Variants in TEX10 observed in about 807,000 individuals in gnomAD.
The protein encoded by TEX10 is testis-expressed protein 10.
A neutral mutation model predicts 104.4 loss-of-function variants in TEX10; 24 were observed. That is an observed-to-expected ratio of 0.23 (90% confidence interval 0.17 to 0.32). TEX10 has a LOEUF of 0.32. Ranked by LOEUF, TEX10 falls within the 10% of genes least tolerant of loss-of-function variation. The probability of loss-of-function intolerance (pLI) is 1.00; values close to 1 mark genes in which losing one functional copy is unlikely to be tolerated. For missense variants in TEX10, 921 were observed against 1,083.9 expected, an observed-to-expected ratio of 0.85 and a Z score of 2.11; for synonymous variants, 396 against 393.4, an observed-to-expected ratio of 1.01 and a Z score of -0.08.
intron 13 of TEX10, chr9:100,306,984 C>G (rs1233894248): frequency 6.6e-5 from 10 of 152,166 alleles, no homozygotes; most frequent in African/African-American, 2.2e-4. Context: ...CTTATAAAAT[C>G]TCTAGAACCC....
chr9:100,333,142 T>C (rs1587732781), intron 5 of TEX10, among the ~76,000 whole-genome samples: 1 of 152,164 alleles, frequency 6.6e-6, no homozygotes, highest in East Asian at 2.0e-4. Flanking sequence ...TTTTGTATTT[T>C]TAGTAGAGAT....
chr9:100,346,435 C>A, intron 3 of TEX10, 120 bp from the exon 4 acceptor site: 1 of 1,180,722 alleles, frequency 8.5e-7, no homozygotes, highest in Non-Finnish European at 1.2e-6. Context: ...ATAATTACAT[C>A]AATCAAAACT....
intron 13 of TEX10, chr9:100,305,927 T>C (rs982507547): frequency 2.0e-5 from 3 of 152,144 alleles, no homozygotes; most frequent in African/African-American, 7.2e-5. Context: ...GGAAAAGGTA[T>C]GCAGCCCAAA....
intron 11 of TEX10, among the ~76,000 whole-genome samples, chr9:100,317,766 A>G (rs1053888057): frequency 1.3e-5 from 2 of 152,202 alleles, no homozygotes; most frequent in Admixed American, 6.5e-5. Flanking sequence ...TTTACAATAC[A>G]AGGAACTCAA....
At chr9:100,320,595 T>C (rs1207239490) in intron 10 of TEX10, among the ~76,000 whole-genome samples, 197 bp from the exon 11 acceptor site, 1 of 152,210 alleles carries the variant, frequency 6.6e-6, no homozygotes, top group Non-Finnish European at 1.5e-5. Context: ...CATATAATTA[T>C]ATAAAAGATG....
rs1369155174 is a variant in TEX10 at position 100,326,483 on chromosome 9, G to A, written c.1802-4C>T. 5 of 1,612,500 alleles carry A rather than the reference G, an allele frequency of 3.1e-6. No homozygotes were observed. Among genetic ancestry groups the A allele is most frequent in the Admixed American group, 1.7e-5 (1 of 59,696 alleles). Reference sequence around the variant, plus strand: ...ACCACAGCACCTTCTTGTGGATCTAGTGAGGTGGATAGACATATTAAAAAC... The same window carrying A: ...ACCACAGCACCTTCTTGTGGATCTAATGAGGTGGATAGACATATTAAAAAC... On this transcript the variant is annotated splice_polypyrimidine_tract_variant and splice_region_variant and intron_variant, in intron 8 of 14. Transcript: ENST00000374902.
At chr9:100,350,168 C>G (rs973454434) in intron 1 of TEX10, among the ~76,000 whole-genome samples, 4 of 152,188 alleles carry the variant, frequency 2.6e-5, no homozygotes, top group Non-Finnish European at 4.4e-5. Context: ...TACCACATTC[C>G]AAACCTTGCA....
In TEX10 at chr9:100,326,296, T is replaced by C. The variant is rs745847157; in HGVS notation, c.1979+6A>G. 1.2e-6 allele frequency: 2 copies of C among 1,612,274 alleles called. No homozygotes were observed. The highest frequency in any genetic ancestry group is 1.3e-5 in the African/African-American group (1 of 74,754). ...ACTTAAAATACAGCTCACTTGAGCA[T>C]GCTACCTCATGTGCAGTATCCCGAT... On this transcript the variant is annotated splice_donor_region_variant and intron_variant, in intron 9 of 14. Coordinates refer to ENST00000374902, the MANE Select transcript of TEX10 (RefSeq NM_017746.4).
chr9:100,351,185 G>A lies in TEX10; in HGVS notation c.-10+1587C>T, dbSNP rs761144711. Among the ~76,000 whole-genome samples, 11 of 151,792 alleles carry A rather than the reference G, an allele frequency of 7.2e-5. 1 individual carries two copies. Among genetic ancestry groups the A allele is most frequent in the Admixed American group, 1.3e-4 (2 of 15,206 alleles). The stretch of plus-strand genomic sequence containing the variant: ...TACCTCAGAAAAGTTTGGAAGTCAC[G>A]CCTTTATCAAGAAGTTGAAAAGGGA... On this transcript the variant is annotated intron_variant, in intron 1 of 14. Coordinates refer to ENST00000374902, the MANE Select transcript of TEX10 (RefSeq NM_017746.4).
intron 5 of TEX10, among the ~76,000 whole-genome samples, chr9:100,330,645 G>C (rs1334817860): frequency 1.3e-5 from 2 of 152,134 alleles, no homozygotes; most frequent in African/African-American, 4.8e-5. Context: ...GCACTGATTT[G>C]AAACAATTTT....
At chr9:100,323,340 C>G (rs1834620860) in intron 9 of TEX10, among the ~76,000 whole-genome samples, 1 of 152,124 alleles carries the variant, frequency 6.6e-6, no homozygotes, top group African/African-American at 2.4e-5. Context: ...TGGAACTGTT[C>G]CTGGCAGACC....
Position 100,327,794 on chromosome 9 carries a change from T to A in TEX10, c.1794A>T (p.Arg598=). The change falls in exon 8 of 15, where the codon CGA becomes CGT. Residue 598 remains arginine (R), a synonymous_variant. Coordinates refer to ENST00000374902, the MANE Select transcript of TEX10 (RefSeq NM_017746.4). ...AAACAAATGAACTCTTACCATAAAT[T>A]CGGAGGGCAGTAGCTTGTAAACTTT... is the stretch of plus-strand genomic sequence containing the variant. ...LLKSLQATAL[R]IYDPQEGAVV... is the part of the protein sequence containing the mutation. The A allele has an allele frequency of 6.4e-7, 1 of 1,565,126 alleles. No individual in the cohort carries two copies. The highest frequency in any genetic ancestry group is 8.7e-7 in the Non-Finnish European group (1 of 1,148,646).
intron 13 of TEX10, chr9:100,306,394 TAAAG>T (rs1588162482): frequency 6.6e-6 from 1 of 152,110 alleles, no homozygotes; most frequent in Non-Finnish European, 1.5e-5. Flanking sequence ...ACACTGAAGA[TAAAG>T]AGAGAACAGT....
chr9:100,352,319 G>A, intron 1 of TEX10: 2 of 1,543,090 alleles, frequency 1.3e-6, no homozygotes, highest in South Asian at 2.4e-5. Flanking sequence ...CCTTCCGCTC[G>A]CTTAACTCTC....
In TEX10 at chr9:100,352,901, T is replaced by A. The variant is rs183961477; in HGVS notation, c.-139A>T. 28 of 991,468 alleles carry A rather than the reference T, an allele frequency of 2.8e-5. No homozygotes were observed. The highest frequency in any genetic ancestry group is 5.2e-4 in the Middle Eastern group (1 of 1,928). The allele number at this position is 991,468 out of a possible 1,614,324, so 61.4% of individuals were successfully genotyped here. A position where few individuals can be genotyped will look rare whatever the true frequency, so the allele number is the denominator to read the frequency against. On this transcript the variant is annotated 5_prime_UTR_variant, in exon 1 of 15. Coordinates refer to ENST00000374902, the MANE Select transcript of TEX10 (RefSeq NM_017746.4). ...CGGAGCGTGTTTTCAAATAGCCTCGTCCTCACGCGGCCGCGTCTCCTTCCG... is the reference window on the plus strand; with the variant it reads ...CGGAGCGTGTTTTCAAATAGCCTCGACCTCACGCGGCCGCGTCTCCTTCCG...
At chr9:100,338,924 G>A (rs1835084666) in intron 5 of TEX10, among the ~76,000 whole-genome samples, 1 of 151,804 alleles carries the variant, frequency 6.6e-6, no homozygotes, top group Admixed American at 6.6e-5. Flanking sequence ...TCTGTTTCAT[G>A]ACTGGACCCT....
chr9:100,329,303 T>A, intron 6 of TEX10, 28 bp from the exon 7 acceptor site: 1 of 1,581,144 alleles, frequency 6.3e-7, no homozygotes, highest in Non-Finnish European at 8.5e-7. Flanking sequence ...ACAACTTGCA[T>A]ATGAATCAAA....
Position 100,349,333 on chromosome 9 carries a change from A to T in TEX10, c.31T>A (p.Phe11Ile). ...CCAACTTTCAATTTTACTTTTTGAAAATCATGTTGGCGTTTTCTTTTTTTA... is the reference window on the plus strand; with the variant it reads ...CCAACTTTCAATTTTACTTTTTGAATATCATGTTGGCGTTTTCTTTTTTTA... The part of the protein sequence containing the change: MTKKRKRQHD[F>I]QKVKLKVGKK... Residue 11 changes from phenylalanine to isoleucine, a missense_variant, in exon 2 of 15, where the codon TTT (phenylalanine) becomes ATT (isoleucine). Physicochemically the swap from Phe to Ile is conservative, Grantham distance 21. Coordinates refer to ENST00000374902, the MANE Select transcript of TEX10 (RefSeq NM_017746.4). 6.3e-7 allele frequency: 1 copy of T among 1,593,542 alleles called. No individual in the cohort carries two copies.
At position 100,347,330 on chromosome 9, in the gene TEX10, G is replaced by A. The variant is rs755391629; in HGVS notation, c.257C>T (p.Ser86Phe). The change falls in exon 3 of 15, where the codon TCT (serine) becomes TTT (phenylalanine). Residue 86 changes from serine to phenylalanine, a missense_variant. Transcript: ENST00000374902. Reference sequence around the variant, plus strand: ...TGCATCAATTATAAATGGGTATTGAGACAAAAGGTCTTTAAGTCCAAGAAG... The same window carrying A: ...TGCATCAATTATAAATGGGTATTGAAACAAAAGGTCTTTAAGTCCAAGAAG... Reference protein sequence around the residue: ...SALLGLKDLLSQYPFIIDAHL... With the variant: ...SALLGLKDLLFQYPFIIDAHL... 3 of 1,613,940 alleles carry A rather than the reference G, an allele frequency of 1.9e-6. No homozygotes were observed. The highest frequency in any genetic ancestry group is 2.5e-6 in the Non-Finnish European group (3 of 1,179,918).
Sources: allele counts gnomAD v4.1 joint callset (sites outside exome capture counted in the v4.1 genomes callset), GRCh38; gene constraint gnomAD v4.1.1; transcripts MANE v1.5; gene names NCBI Gene and HGNC (gene_info 2026-07-23, HGNC 2026-07-21).